ADGRB3: variants seen among roughly 807,000 people sequenced by gnomAD.
The protein encoded by ADGRB3 is brain-specific angiogenesis inhibitor 3.
ADGRB3 carries 37 observed loss-of-function variants against 193.4 expected under a neutral mutation model. That is an observed-to-expected ratio of 0.19 (90% CI 0.15 to 0.25). The LOEUF (loss-of-function observed/expected upper bound fraction) is 0.25, where lower values mean the gene tolerates loss of function less well. ADGRB3 is among the 10% of genes least tolerant of loss of function. The pLI is 1.00. For missense variants in ADGRB3, 1,637 were observed against 1,852.9 expected (o/e 0.88, Z 2.14); for synonymous variants, 690 against 644.2 (o/e 1.07, Z -1.08).
intron 3 of ADGRB3, among the ~76,000 whole-genome samples, chr6:68,890,037 G>C (rs1199474654): frequency 1.3e-5 from 2 of 152,132 alleles, no homozygotes; most frequent in Non-Finnish European, 2.9e-5. Context: ...TTTCTCAAAA[G>C]TATATGCAAA....
At chr6:69,124,209 T>C (rs922702382) in intron 17 of ADGRB3, among the ~76,000 whole-genome samples, 3 of 152,206 alleles carry the variant, frequency 2.0e-5, no homozygotes, top group Admixed American at 1.3e-4. Flanking sequence ...CACCTGTTCA[T>C]GTAGCTGAAG....
chr6:68,810,309 G>T (rs1767485278), intron 3 of ADGRB3, among the ~76,000 whole-genome samples: 1 of 152,090 alleles, frequency 6.6e-6, no homozygotes, highest in African/African-American at 2.4e-5. Flanking sequence ...AATCCTTCTG[G>T]AAACAATCAC....
At chr6:69,350,445 A>T (rs1582649759) in intron 26 of ADGRB3, among the ~76,000 whole-genome samples, 1 of 152,260 alleles carries the variant, frequency 6.6e-6, no homozygotes, top group African/African-American at 2.4e-5. Context: ...ATTACAGATT[A>T]TTATAAAAAG....
At chr6:69,309,110 T>C (rs561078784) in intron 20 of ADGRB3, among the ~76,000 whole-genome samples, 3 of 151,874 alleles carry the variant, frequency 2.0e-5, no homozygotes, top group Admixed American at 2.0e-4. Context: ...AGAGCATGTA[T>C]ATTGAAACAA....
intron 3 of ADGRB3, among the ~76,000 whole-genome samples, chr6:68,682,573 A>C (rs1430756828): frequency 6.6e-6 from 1 of 152,238 alleles, no homozygotes; most frequent in Admixed American, 6.5e-5. Context: ...AAAGAAATAA[A>C]AAATTATAAT....
At chr6:69,357,912 C>T (rs966272551) in intron 28 of ADGRB3, among the ~76,000 whole-genome samples, 1 of 151,924 alleles carries the variant, frequency 6.6e-6, no homozygotes, top group African/African-American at 2.4e-5. Context: ...GTGCTCCATC[C>T]ACCTGCCATA....
intron 3 of ADGRB3, among the ~76,000 whole-genome samples, chr6:68,676,492 A>G (rs886930106): frequency 3.3e-5 from 5 of 151,844 alleles, no homozygotes; most frequent in Non-Finnish European, 5.9e-5. Flanking sequence ...ATTTTTGTGG[A>G]TGGTATTATC....
At chr6:69,073,553 G>C (rs1772140838) in intron 16 of ADGRB3, among the ~76,000 whole-genome samples, 1 of 152,154 alleles carries the variant, frequency 6.6e-6, no homozygotes, top group Non-Finnish European at 1.5e-5. Flanking sequence ...CCTGCTAGCT[G>C]GCTTCCCCCT....
intron 17 of ADGRB3, among the ~76,000 whole-genome samples, chr6:69,145,823 G>C (rs1271265869): frequency 6.6e-6 from 1 of 151,884 alleles, no homozygotes; most frequent in East Asian, 2.0e-4. Flanking sequence ...TCAGCAGAGA[G>C]GAGACCCTGG....
chr6:68,939,735 A>C (rs1184822386), intron 5 of ADGRB3, among the ~76,000 whole-genome samples: 1 of 152,154 alleles, frequency 6.6e-6, no homozygotes, highest in Non-Finnish European at 1.5e-5. Flanking sequence ...CATATCCTGA[A>C]AATAGTGACA....
intron 3 of ADGRB3, among the ~76,000 whole-genome samples, chr6:68,843,070 TGTC>T (rs1418173623): frequency 1.5e-5 from 2 of 130,006 alleles, no homozygotes; most frequent in Non-Finnish European, 3.3e-5. Flanking sequence ...AAACAGGAAA[TGTC>T]GTACTGAATG....
intron 13 of ADGRB3, among the ~76,000 whole-genome samples, chr6:69,043,486 T>TG (rs1771148913): frequency 6.6e-6 from 1 of 152,198 alleles, no homozygotes; most frequent in Admixed American, 6.5e-5. Context: ...TATAATCTCA[T>TG]GCCTAGGATC....
chr6:68,721,590 C>G (rs1004750442), intron 3 of ADGRB3, among the ~76,000 whole-genome samples: 1 of 147,804 alleles, frequency 6.8e-6, no homozygotes, highest in Non-Finnish European at 1.5e-5. Context: ...CAAACCTGCA[C>G]GTTGTGCACA....
At chr6:69,016,781 A>C (rs1180431150) in intron 12 of ADGRB3, among the ~76,000 whole-genome samples, 1 of 151,936 alleles carries the variant, frequency 6.6e-6, no homozygotes, top group Non-Finnish European at 1.5e-5. Flanking sequence ...TACAATTACT[A>C]GTTTTCCAAA....
intron 5 of ADGRB3, among the ~76,000 whole-genome samples, chr6:68,942,329 G>GA (rs1235821299): frequency 1.3e-5 from 2 of 152,056 alleles, no homozygotes; most frequent in South Asian, 4.2e-4. Flanking sequence ...CAATGTTAAA[G>GA]AAAAAAATGA....
At chr6:69,089,473 C>T (rs1307988282) in intron 17 of ADGRB3, among the ~76,000 whole-genome samples, 1 of 151,880 alleles carries the variant, frequency 6.6e-6, no homozygotes, top group East Asian at 1.9e-4. Context: ...TGCAGGATAC[C>T]TAGAAATACA....
At chr6:69,071,700 A>G (rs1029333126) in intron 16 of ADGRB3, among the ~76,000 whole-genome samples, 1 of 152,182 alleles carries the variant, frequency 6.6e-6, no homozygotes, top group Admixed American at 6.5e-5. Flanking sequence ...CAGTATTACC[A>G]TTTTGTATGT....
intron 20 of ADGRB3, among the ~76,000 whole-genome samples, chr6:69,296,176 A>C (rs1219893009): frequency 6.6e-6 from 1 of 152,180 alleles, no homozygotes; most frequent in East Asian, 1.9e-4. Context: ...AACTAAGTTG[A>C]TGAATATCCA....
At chr6:69,017,386 G>T (rs984969603) in intron 12 of ADGRB3, among the ~76,000 whole-genome samples, 16 of 151,816 alleles carry the variant, frequency 1.1e-4, no homozygotes, top group African/African-American at 3.9e-4. Context: ...GGTGCTGAAT[G>T]GCCACAAGAA....
Sources: allele counts gnomAD v4.1 joint callset (sites outside exome capture counted in the v4.1 genomes callset), GRCh38; gene constraint gnomAD v4.1.1; transcripts MANE v1.5; gene names NCBI Gene and HGNC (gene_info 2026-07-23, HGNC 2026-07-21).